Variants in PC observed in about 807,000 individuals in gnomAD.
PC encodes the protein pyruvate carboxylase.
A neutral mutation model predicts 107.8 loss-of-function variants in PC; 46 were observed. The observed-to-expected ratio is 0.43, with a 90% CI of 0.34 to 0.55. The LOEUF (loss-of-function observed/expected upper bound fraction) is 0.55. PC is among the 20% of genes least tolerant of loss of function. The pLI is 0.04. For synonymous variants in PC, 662 were observed against 684.7 expected (o/e 0.97, Z 0.52); for missense variants, 1,241 against 1,643.1 (o/e 0.76, Z 4.23).
intron 3 of PC, among the ~76,000 whole-genome samples, chr11:66,889,073 CA>C (rs1689386020): frequency 6.6e-6 from 1 of 151,978 alleles, no homozygotes; most frequent in Admixed American, 6.6e-5. Context: ...GACTCCATCT[CA>C]AAAAACAAAA....
chr11:66,896,913 C>T (rs1947779520), intron 3 of PC, among the ~76,000 whole-genome samples: 1 of 151,712 alleles, frequency 6.6e-6, no homozygotes, highest in African/African-American at 2.4e-5. Context: ...CACTGCTGAT[C>T]CTTTTGTTTT....
rs370810518 is a variant in PC, at chr11:66,868,847, C to G, written c.1021G>C (p.Asp341His). Reference protein sequence around the residue: ...VEHTVTEEITDVDLVHAQIHV... With the variant: ...VEHTVTEEITHVDLVHAQIHV... Reference sequence around the variant, plus strand: ...CCCCGCCTGCCCGCCCACACTCACTCGGTGATCTCCTCTGTGACCGTGTGC... The same window carrying G: ...CCCCGCCTGCCCGCCCACACTCACTGGGTGATCTCCTCTGTGACCGTGTGC... The change falls in exon 10 of 23, where the codon GAC becomes CAC. Residue 341 changes from aspartate (D) to histidine (H), a missense_variant and splice_region_variant. Physicochemically the swap from Asp to His is moderately conservative, Grantham distance 81 (BLOSUM62 -1). Around this residue, in one of 2 missense-constraint regions of PC, gnomAD observed 1,143 missense variants for 1,551.9 expected, o/e 0.74. Coordinates refer to ENST00000393960, the MANE Select transcript of PC (RefSeq NM_001040716.2). 3.7e-6 allele frequency: 6 copies of G among 1,611,062 alleles called. No individual in the cohort carries two copies. The highest frequency in any genetic ancestry group is 4.2e-6 in the Non-Finnish European group (5 of 1,177,680).
intron 12 of PC, among the ~76,000 whole-genome samples, chr11:66,854,719 T>C (rs1189021185): frequency 6.6e-6 from 1 of 152,098 alleles, no homozygotes; most frequent in African/African-American, 2.4e-5. Context: ...CCACCCAGAC[T>C]CCTCTGAGCT....
intron 3 of PC, among the ~76,000 whole-genome samples, chr11:66,883,483 C>T (rs1022932038): frequency 1.1e-4 from 17 of 152,124 alleles, no homozygotes; most frequent in Non-Finnish European, 2.2e-4. Context: ...CCCGGGCAGC[C>T]ACCTCCCTCA....
rs138618426 is a variant in PC, at chr11:66,872,111, G to A, written c.49C>T (p.Arg17Cys). 27 of 1,575,440 alleles carry A rather than the reference G, an allele frequency of 1.7e-5. No individual in the cohort carries two copies. Among genetic ancestry groups the A allele is most frequent in the Non-Finnish European group, 2.1e-5 (24 of 1,161,402 alleles). Residue 17 changes from arginine (R) to cysteine (C), a missense_variant, in exon 4 of 23, where the codon CGC becomes TGC. Physicochemically the swap from Arg to Cys is radical, Grantham distance 180 (BLOSUM62 -3). Around this residue, in one of 2 missense-constraint regions of PC, gnomAD observed 1,143 missense variants for 1,551.9 expected, o/e 0.74. Coordinates refer to ENST00000393960, the MANE Select transcript of PC (RefSeq NM_001040716.2). ...GCAGCGGGGGCGGTGGAGGTTCGGC[G>A]GATTCCCAGGAGCCTCAGGCCCCCA... ...VHGGLRLLGI[R>C]RTSTAPAASP...
intron 3 of PC, among the ~76,000 whole-genome samples, chr11:66,874,774 A>G (rs1250754279): frequency 6.6e-6 from 1 of 152,210 alleles, no homozygotes; most frequent in African/African-American, 2.4e-5. Context: ...GACACAAATC[A>G]GAACATTTCA....
chr11:66,903,540 A>C (rs1208023544), intron 3 of PC, among the ~76,000 whole-genome samples: 1 of 150,814 alleles, frequency 6.6e-6, no homozygotes, highest in Admixed American at 6.6e-5. Context: ...AGGAGTTCAA[A>C]ACCAGCCTGG....
At position 66,850,741 on chromosome 11, in the gene PC, A is replaced by G; in HGVS notation, c.2406T>C (p.Ser802=). ...CCATGCTGGGCTGTGAAGTCATCCC[A>G]GACATGGAATCAGCTGCCACATCCA... The part of the protein sequence containing the change: ...DVVDVAADSM[S]GMTSQPSMGA... The change falls in exon 18 of 23, where the codon TCT becomes TCC. Residue 802 remains serine (S), a synonymous_variant. Coordinates refer to ENST00000393960, the MANE Select transcript of PC (RefSeq NM_001040716.2). 6.2e-7 allele frequency: 1 copy of G among 1,611,634 alleles called. No homozygotes were observed. The highest frequency in any genetic ancestry group is 8.5e-7 in the Non-Finnish European group (1 of 1,179,932).
intron 3 of PC, among the ~76,000 whole-genome samples, chr11:66,904,157 C>T (rs768712697): frequency 2.6e-5 from 4 of 152,128 alleles, no homozygotes; most frequent in Admixed American, 6.6e-5. Flanking sequence ...GGCTTTCTGG[C>T]CTATCTCCCA....
intron 3 of PC, among the ~76,000 whole-genome samples, chr11:66,933,793 C>T (rs1050674195): frequency 6.6e-6 from 1 of 152,140 alleles, no homozygotes; most frequent in African/African-American, 2.4e-5. Flanking sequence ...TCCCCATTCC[C>T]AGGCAGCCAC....
At chr11:66,924,389 A>AAAAAAAAAAAAC (rs1948666714) in intron 3 of PC, among the ~76,000 whole-genome samples, 2 of 135,120 alleles carry the variant, frequency 1.5e-5, no homozygotes, top group African/African-American at 2.7e-5. Context: ...AAAAAAAAAA[A>AAAAAAAAAAAAC]TTAGCTAGGC....
intron 3 of PC, among the ~76,000 whole-genome samples, chr11:66,903,241 T>A (rs1948025299): frequency 6.6e-6 from 1 of 152,122 alleles, no homozygotes; most frequent in South Asian, 2.1e-4. Flanking sequence ...TTCTCAGCAC[T>A]GCCAACTCCT....
rs140746469 is a variant in PC, at chr11:66,852,799, G to A, written c.1551C>T (p.Pro517=). 128 of 1,591,064 alleles carry A rather than the reference G, an allele frequency of 8.0e-5. No individual in the cohort carries two copies. Among genetic ancestry groups the A allele is most frequent in the African/African-American group, 7.9e-4 (59 of 74,658 alleles). Residue 517 remains proline, a synonymous_variant, in exon 14 of 23, where the codon CCC becomes CCT. Coordinates refer to ENST00000393960, the MANE Select transcript of PC (RefSeq NM_001040716.2). This position sits in a 1 kb window ranked among gnomAD's most constrained non-coding sequence, Gnocchi z 4.7. ...CCGTGGGGCTGGGGCTGGCCTTGAC[G>A]GGAATCGGGGTGGTTGGACCGTTTA... ...VMVNGPTTPI[P]VKASPSPTDP... is the part of the protein sequence containing the mutation.
chr11:66,934,059 G>A (rs1052669635), intron 3 of PC, among the ~76,000 whole-genome samples: 2 of 151,980 alleles, frequency 1.3e-5, no homozygotes, highest in African/African-American at 2.4e-5. Context: ...CTTCCTCCAC[G>A]CCAGCGAGGC....
At position 66,851,238 on chromosome 11, in the gene PC, A is replaced by C; in HGVS notation, c.2025T>G (p.Arg675=). The change falls in exon 17 of 23, where the codon CGT becomes CGG. Residue 675 remains arginine (R), a synonymous_variant. Coordinates refer to ENST00000393960, the MANE Select transcript of PC (RefSeq NM_001040716.2). ...GCAAGTAGTTGAGGGAGTCAAACACACGGAAGACATCCATGCCATTCTCTT... is the reference window on the plus strand; with the variant it reads ...GCAAGTAGTTGAGGGAGTCAAACACCCGGAAGACATCCATGCCATTCTCTT... ...VAKENGMDVF[R]VFDSLNYLPN... The C allele has an allele frequency of 1.2e-6, 2 of 1,604,436 alleles. No homozygotes were observed. Among genetic ancestry groups the C allele is most frequent in the South Asian group, 2.2e-5 (2 of 91,092 alleles).
chr11:66,885,046 G>C (rs1158729008), intron 3 of PC, among the ~76,000 whole-genome samples: 2 of 152,188 alleles, frequency 1.3e-5, no homozygotes, highest in Non-Finnish European at 2.9e-5. Context: ...ATGCTGGCTG[G>C]ATTAGAGAGG....
At chr11:66,905,661 T>C (rs1159442387) in intron 3 of PC, among the ~76,000 whole-genome samples, 2 of 152,282 alleles carry the variant, frequency 1.3e-5, no homozygotes, top group Non-Finnish European at 2.9e-5. Flanking sequence ...GATCAGATTT[T>C]GGAAGGTCAG....
intron 11 of PC, among the ~76,000 whole-genome samples, chr11:66,865,642 C>T (rs896884040): frequency 3.3e-5 from 5 of 152,184 alleles, no homozygotes; most frequent in African/African-American, 9.7e-5. Flanking sequence ...CCACTCTCTC[C>T]CCCACCAAGG....
rs758732336 is a variant in PC at position 66,859,020 on chromosome 11, G to A, written c.1368+4754C>T. 6.0e-6 allele frequency: 9 copies of A among 1,512,020 alleles called. No homozygotes were observed. In the East Asian group the frequency reaches 9.3e-5, roughly 16 times the overall value. The allele number at this position is 1,512,020 out of a possible 1,614,324, so 93.7% of individuals were successfully genotyped here. On this transcript the variant is annotated intron_variant, in intron 12 of 22. Transcript: ENST00000393960. ...CTCAGGGCTGGTGAGCTGGGGTCCCGGGCGGCCAGCCGACCCAGTGTGGAT... is the reference window on the plus strand; with the variant it reads ...CTCAGGGCTGGTGAGCTGGGGTCCCAGGCGGCCAGCCGACCCAGTGTGGAT...
Sources: gnomAD v4.1 joint callset for allele counts (sites outside exome capture counted in the v4.1 genomes callset) on GRCh38, gnomAD v4.1.1 for gene constraint, gnomAD v4.1.1 regional missense constraint, Gnocchi (gnomAD v3.1) non-coding constraint, MANE v1.5 for transcripts, NCBI Gene and HGNC (gene_info 2026-07-23, HGNC 2026-07-21) for gene names.